CBARP: variants seen among roughly 807,000 people sequenced by gnomAD.
CBARP encodes voltage-dependent calcium channel beta subunit-associated regulatory protein.
In CBARP, 24 loss-of-function variants were observed where a neutral mutation model predicts 36.3. That is an observed-to-expected ratio of 0.66 (90% CI 0.48 to 0.93). The LOEUF is 0.93. Ranked by LOEUF, CBARP falls within the 40% of genes least tolerant of loss-of-function variation. The probability of loss-of-function intolerance (pLI) is 0.00; values close to 1 mark genes in which losing one functional copy is unlikely to be tolerated. For missense variants in CBARP, 1,146 were observed against 980.4 expected (o/e 1.17, Z -2.26); for synonymous variants, 586 against 453.2 (o/e 1.29, Z -3.72).
At position 1,231,092 on chromosome 19, in the gene CBARP, G is replaced by GA; in HGVS notation, c.1154+8dup. On this transcript the variant is annotated intron_variant, in intron 9 of 9. Transcript: ENST00000650044. ...TCCACCCCTAGCACCTCCATCTACT[G>GA]AAAAATACCTGCCGAGAGCAGGGGG... 6.3e-7 allele frequency: 1 copy of GA among 1,595,478 alleles called. No homozygotes were observed. Among genetic ancestry groups the GA allele is most frequent in the Non-Finnish European group, 8.5e-7 (1 of 1,169,640 alleles).
At position 1,229,765 on chromosome 19, in the gene CBARP, C is replaced by A; in HGVS notation, c.1532G>T (p.Arg511Leu). The change falls in exon 10 of 10, where the codon CGC (arginine) becomes CTC (leucine). Residue 511 changes from arginine (R) to leucine (L), a missense_variant. Transcript: ENST00000650044. This position sits in a 1 kb window ranked among gnomAD's most constrained non-coding sequence, Gnocchi z 5.1. Reference sequence around the variant, plus strand: ...TGGCTCGGTGTCGTCGCCTGCGCCGCGGCCCTCGATGCTGGCGTAGCCACT... The same window carrying A: ...TGGCTCGGTGTCGTCGCCTGCGCCGAGGCCCTCGATGCTGGCGTAGCCACT... Reference protein sequence around the residue: ...MDSGYASIEGRGAGDDTEPPA... With the variant: ...MDSGYASIEGLGAGDDTEPPA... 9.9e-7 allele frequency: 1 copy of A among 1,012,830 alleles called. No homozygotes were observed. Among genetic ancestry groups the A allele is most frequent in the South Asian group, 3.1e-5 (1 of 32,086 alleles). The allele number at this position is 1,012,830 out of a possible 1,614,324, so 62.7% of individuals were successfully genotyped here.
Position 1,228,962 on chromosome 19 carries a change from G to C in CBARP, c.*217C>G, listed in dbSNP as rs2080853275. The C allele has an allele frequency of 6.7e-6, 1 of 148,686 alleles. No individual in the cohort carries two copies. Among genetic ancestry groups the C allele is most frequent in the South Asian group, 2.1e-4 (1 of 4,854 alleles). 9.2% of individuals were successfully genotyped at this position (148,686 alleles called of 1,614,324 possible). On this transcript the variant is annotated 3_prime_UTR_variant, in exon 10 of 10. Coordinates refer to ENST00000650044, the MANE Select transcript of CBARP (RefSeq NM_001393918.1). Reference sequence around the variant, plus strand: ...GACGCCCAGCACCCGGCAAGCACCGGAAAGAGCAGTGCACACTTCGGCGGC... The same window carrying C: ...GACGCCCAGCACCCGGCAAGCACCGCAAAGAGCAGTGCACACTTCGGCGGC...
chr19:1,229,723 C>A lies in CBARP; in HGVS notation c.1574G>T (p.Arg525Leu). The change falls in exon 10 of 10, where the codon CGG becomes CTG. Residue 525 changes from arginine to leucine, a missense_variant. Arg to Leu is a moderately radical substitution (Grantham distance 102). Transcript: ENST00000650044. The surrounding 1 kb of genome is among the most constrained non-coding windows in gnomAD (Gnocchi z 5.1). ...GGGCCAGGCGCGCGGGCTGCGGGGC[C>A]GGGCGGGCGCGGCAGGTGGCTCGGT... is the stretch of plus-strand genomic sequence containing the variant. ...DDTEPPAAPA[R>L]PRSPRAWPRR... 1.0e-6 allele frequency: 1 copy of A among 982,472 alleles called. No individual in the cohort carries two copies. Among genetic ancestry groups the A allele is most frequent in the South Asian group, 4.3e-5 (1 of 23,392 alleles). 60.9% of individuals were successfully genotyped at this position (982,472 alleles called of 1,614,324 possible). A position where few individuals can be genotyped will look rare whatever the true frequency, so the allele number is the denominator to read the frequency against.
chr19:1,230,080 C>T lies in CBARP; in HGVS notation c.1217G>A (p.Gly406Asp), dbSNP rs1187734824. 9.0e-7 allele frequency: 1 copy of T among 1,114,666 alleles called. No individual in the cohort carries two copies. Among genetic ancestry groups the T allele is most frequent in the Non-Finnish European group, 1.1e-6 (1 of 904,476 alleles). 69.0% of individuals were successfully genotyped at this position (1,114,666 alleles called of 1,614,324 possible). ...CTGCTGCTGCTCAGGCCCCGCGCTG[C>T]CCGCGCCGCGCTCCGGGGGGGAATC... ...SPDSPPERGA[G>D]SAGPEQQQPP... Residue 406 changes from glycine to aspartate, a missense_variant, in exon 10 of 10, where the codon GGC becomes GAC. Physicochemically the swap from Gly to Asp is moderately conservative, Grantham distance 94. Coordinates refer to ENST00000650044, the MANE Select transcript of CBARP (RefSeq NM_001393918.1).
intron 8 of CBARP, among the ~76,000 whole-genome samples, chr19:1,232,446 C>T (rs889807377): frequency 3.3e-5 from 5 of 152,198 alleles, no homozygotes; most frequent in East Asian, 1.9e-4. Flanking sequence ...CCTCACCTGA[C>T]GACAGGACCT....
chr19:1,229,806 C>T lies in CBARP; in HGVS notation c.1491G>A (p.Arg497=). ...CGTAGCCACTGTCCATCTGCAGCAG[C>T]CGGCGCGCCTCGCCGTCCTTGGGCC... ...APRPKDGEAR[R]LLQMDSGYAS... The change falls in exon 10 of 10, where the codon CGG becomes CGA. Residue 497 remains arginine (R), a synonymous_variant. Transcript: ENST00000650044. This position sits in a 1 kb window ranked among gnomAD's most constrained non-coding sequence, Gnocchi z 5.1. The T allele has an allele frequency of 1.0e-6, 1 of 1,001,170 alleles. No homozygotes were observed. 62.0% of individuals were successfully genotyped at this position (1,001,170 alleles called of 1,614,324 possible).
At chr19:1,232,143 T>C (rs1340130420) in intron 8 of CBARP, among the ~76,000 whole-genome samples, 1 of 151,948 alleles carries the variant, frequency 6.6e-6, no homozygotes, top group Non-Finnish European at 1.5e-5. Flanking sequence ...AAAGCTTGAG[T>C]GGGCAGGCCC....
chr19:1,229,706 C>T lies in CBARP; in HGVS notation c.1591G>A (p.Ala531Thr). ...TCGCGGCGCGGGCGGCGGGGCCAGG[C>T]GCGCGGGCTGCGGGGCCGGGCGGGC... ...AAPARPRSPRAWPRRPRRDYS... is the reference protein window; with the variant it reads ...AAPARPRSPRTWPRRPRRDYS... Residue 531 changes from alanine to threonine, a missense_variant, in exon 10 of 10, where the codon GCC (alanine) becomes ACC (threonine). Ala to Thr is a moderately conservative substitution (Grantham distance 58). Coordinates refer to ENST00000650044, the MANE Select transcript of CBARP (RefSeq NM_001393918.1). The surrounding 1 kb of genome is among the most constrained non-coding windows in gnomAD (Gnocchi z 5.1). The T allele has an allele frequency of 3.0e-6, 3 of 996,976 alleles. No individual in the cohort carries two copies. The highest frequency in any genetic ancestry group is 3.5e-5 in the South Asian group (1 of 28,770). The allele number at this position is 996,976 out of a possible 1,614,324, so 61.8% of individuals were successfully genotyped here.
chr19:1,231,289 G>A lies in CBARP; in HGVS notation c.980-14C>T, dbSNP rs761912877. 5 of 1,597,290 alleles carry A rather than the reference G, an allele frequency of 3.1e-6. No homozygotes were observed. In the East Asian group the frequency reaches 8.9e-5, roughly 29 times the overall value. ...GCTTGGGGGAACCTGCGCACGGGATGTGCCGTAAGCGTCAGCCGGCATGTG... is the reference window on the plus strand; with the variant it reads ...GCTTGGGGGAACCTGCGCACGGGATATGCCGTAAGCGTCAGCCGGCATGTG... On this transcript the variant is annotated splice_polypyrimidine_tract_variant and intron_variant, in intron 8 of 9. Transcript: ENST00000650044.
rs765395408 is a variant in CBARP at position 1,231,290 on chromosome 19, T to C, written c.980-15A>G. On this transcript the variant is annotated splice_polypyrimidine_tract_variant and intron_variant, in intron 8 of 9. Transcript: ENST00000650044. Reference sequence around the variant, plus strand: ...CTTGGGGGAACCTGCGCACGGGATGTGCCGTAAGCGTCAGCCGGCATGTGC... The same window carrying C: ...CTTGGGGGAACCTGCGCACGGGATGCGCCGTAAGCGTCAGCCGGCATGTGC... 2 of 1,596,614 alleles carry C rather than the reference T, an allele frequency of 1.3e-6. No individual in the cohort carries two copies. Among genetic ancestry groups the C allele is most frequent in the Admixed American group, 3.3e-5 (2 of 59,842 alleles).
chr19:1,229,889 C>A lies in CBARP; in HGVS notation c.1408G>T (p.Gly470Cys). The A allele has an allele frequency of 9.5e-7, 1 of 1,052,906 alleles. No individual in the cohort carries two copies. Among genetic ancestry groups the A allele is most frequent in the Non-Finnish European group, 1.2e-6 (1 of 862,324 alleles). The allele number at this position is 1,052,906 out of a possible 1,614,324, so 65.2% of individuals were successfully genotyped here. The change falls in exon 10 of 10, where the codon GGC (glycine) becomes TGC (cysteine). Residue 470 changes from glycine to cysteine, a missense_variant. By Grantham distance (159) the Gly-to-Cys change is radical. Transcript: ENST00000650044. This position sits in a 1 kb window ranked among gnomAD's most constrained non-coding sequence, Gnocchi z 5.1. ...RDSVRSGDSS[G>C]SGSGGAAPAF... ...GGCGCCGCGCCCCCGGAGCCTGAGC[C>A]CGAGCTGTCGCCGCTGCGCACCGAG...
At chr19:1,237,005 G>T (rs1162067528) in intron 1 of CBARP, among the ~76,000 whole-genome samples, 2 of 152,058 alleles carry the variant, frequency 1.3e-5, no homozygotes, top group Non-Finnish European at 2.9e-5. Context: ...GAAAGGAGCC[G>T]CCTGGACGCT....
Position 1,229,564 on chromosome 19 carries a change from C to T in CBARP, c.1733G>A (p.Arg578His), listed in dbSNP as rs1006753856. The change falls in exon 10 of 10, where the codon CGC (arginine) becomes CAC (histidine). Residue 578 changes from arginine to histidine, a missense_variant. Coordinates refer to ENST00000650044, the MANE Select transcript of CBARP (RefSeq NM_001393918.1). The surrounding 1 kb of genome is among the most constrained non-coding windows in gnomAD (Gnocchi z 5.1). Reference protein sequence around the residue: ...RHRARAHPHARKQWQRGRQHS... With the variant: ...RHRARAHPHAHKQWQRGRQHS... ...CTGCCGGCCACGCTGCCACTGTTTGCGGGCGTGCGGGTGCGCGCGGGCGCG... is the reference window on the plus strand; with the variant it reads ...CTGCCGGCCACGCTGCCACTGTTTGTGGGCGTGCGGGTGCGCGCGGGCGCG... The T allele has an allele frequency of 1.2e-5, 13 of 1,069,474 alleles. No homozygotes were observed. The African/African-American group carries it at 1.4e-4, about 11-fold the overall frequency. The allele number at this position is 1,069,474 out of a possible 1,614,324, so 66.2% of individuals were successfully genotyped here.
Position 1,229,845 on chromosome 19 carries a change from G to A in CBARP, c.1452C>T (p.Ser484=), listed in dbSNP as rs548131722. The A allele has an allele frequency of 1.3e-3, 1,285 of 985,170 alleles. 14 individuals are homozygous for A. The African/African-American group carries it at 0.022, about 17-fold the overall frequency. 61.0% of individuals were successfully genotyped at this position (985,170 alleles called of 1,614,324 possible). A position where few individuals can be genotyped will look rare whatever the true frequency, so the allele number is the denominator to read the frequency against. The part of the protein sequence containing the change: ...GGAAPAFPPP[S]PPAPRPKDGE... ...CGTCCTTGGGCCGCGGCGCGGGCGG[G>A]GAGGGCGGCGGGAAGGCGGGCGCCG... The change falls in exon 10 of 10, where the codon TCC becomes TCT. Residue 484 remains serine, a synonymous_variant. Coordinates refer to ENST00000650044, the MANE Select transcript of CBARP (RefSeq NM_001393918.1). This position sits in a 1 kb window ranked among gnomAD's most constrained non-coding sequence, Gnocchi z 5.1.
In CBARP at chr19:1,234,281, CA is replaced by C; in HGVS notation, c.677del (p.Leu226ArgfsTer161). 6.9e-7 allele frequency: 1 copy of C among 1,452,148 alleles called. No individual in the cohort carries two copies. 90.0% of individuals were successfully genotyped at this position (1,452,148 alleles called of 1,614,324 possible). On this transcript the variant is annotated frameshift_variant, in exon 7 of 10. Transcript: ENST00000650044. LOFTEE classifies it high-confidence loss of function. ...TGRSVGPSSA[L>X]PGDPYNSAAG... The stretch of plus-strand genomic sequence containing the variant: ...CGGCTGAGTTGTAGGGGTCACCTGG[CA>C]GGGCGGAGCTGGGGCCCACAGAGCG...
intron 3 of CBARP, 85 bp from the exon 4 acceptor site, chr19:1,235,650 C>T (rs1421091559): frequency 2.6e-5 from 42 of 1,584,980 alleles, no homozygotes; most frequent in Non-Finnish European, 3.3e-5. Context: ...AAGCCAAGCC[C>T]TGCGCATCAC....
chr19:1,231,461 C>G (rs2080892171), intron 8 of CBARP, among the ~76,000 whole-genome samples, 186 bp from the exon 9 acceptor site: 1 of 115,480 alleles, frequency 8.7e-6, no homozygotes. Context: ...CGCCTGGGCC[C>G]CCCCCACACA....
Position 1,237,967 on chromosome 19 carries a change from C to T in CBARP, c.-233G>A, listed in dbSNP as rs891049231. On this transcript the variant is annotated 5_prime_UTR_variant, in exon 1 of 10. Coordinates refer to ENST00000650044, the MANE Select transcript of CBARP (RefSeq NM_001393918.1). ...CTCCGCGCGCCCGGTGCTGCCCGGT[C>T]CCCGGCCCGCCGCCCCCGCTGCGCT... 6.8e-6 allele frequency: 1 copy of T among 146,864 alleles called. No individual in the cohort carries two copies. The highest frequency in any genetic ancestry group is 2.4e-5 in the African/African-American group (1 of 40,906). The allele number at this position is 146,864 out of a possible 1,614,324, so 9.1% of individuals were successfully genotyped here. A position where few individuals can be genotyped will look rare whatever the true frequency, so the allele number is the denominator to read the frequency against.
intron 1 of CBARP, among the ~76,000 whole-genome samples, chr19:1,236,854 G>A (rs947245470): frequency 2.7e-5 from 4 of 146,480 alleles, no homozygotes; most frequent in African/African-American, 4.9e-5. Flanking sequence ...GGCGGCCTGG[G>A]GGGGGGCGGC....
Sources: allele counts gnomAD v4.1 joint callset (sites outside exome capture counted in the v4.1 genomes callset), GRCh38; gene constraint gnomAD v4.1.1; non-coding constraint Gnocchi (gnomAD v3.1); transcripts MANE v1.5; gene names NCBI Gene and HGNC (gene_info 2026-07-23, HGNC 2026-07-21).